Variants in DAB1 observed in about 807,000 individuals in gnomAD.
DAB1 encodes disabled homolog 1.
A neutral mutation model predicts 64.6 loss-of-function variants in DAB1; 15 were observed. The ratio of observed to expected loss-of-function variants is 0.23; its 90% CI spans 0.16 to 0.36. The LOEUF is 0.36. Ranked by LOEUF, DAB1 falls within the 10% of genes least tolerant of loss-of-function variation. DAB1 has a pLI of 1.00. For missense variants in DAB1, 596 were observed against 706.7 expected (o/e 0.84, Z 1.78); for synonymous variants, 235 against 251.9 (o/e 0.93, Z 0.64).
chr1:58,421,420 G>C (rs1214725094), intron 3 of DAB1, among the ~76,000 whole-genome samples: 1 of 152,168 alleles, frequency 6.6e-6, no homozygotes, highest in Non-Finnish European at 1.5e-5. Context: ...GGAGCAGAAG[G>C]GAGACTGAAC....
intron 3 of DAB1, chr1:58,481,157 C>A (rs2100347931): frequency 1.2e-6 from 1 of 848,054 alleles, no homozygotes; most frequent in Middle Eastern, 2.2e-4. Context: ...AATTACACAT[C>A]TCTCTAATTT....
intron 1 of DAB1, among the ~76,000 whole-genome samples, chr1:58,529,497 A>C (rs926104809): frequency 4.6e-5 from 7 of 152,260 alleles, no homozygotes; most frequent in African/African-American, 1.7e-4. Context: ...TAAGCACTAA[A>C]AACAAAAGTT....
chr1:58,445,562 C>T (rs1034452450), intron 3 of DAB1, among the ~76,000 whole-genome samples: 3 of 152,210 alleles, frequency 2.0e-5, no homozygotes, highest in Non-Finnish European at 4.4e-5. Context: ...TTACACCTCC[C>T]ATGTGAACTT....
At chr1:58,349,966 T>A (rs1644036383) in intron 3 of DAB1, among the ~76,000 whole-genome samples, 1 of 152,226 alleles carries the variant, frequency 6.6e-6, no homozygotes, top group Admixed American at 6.5e-5. Context: ...CCTCTGGGTA[T>A]ATACCCAGTA....
chr1:57,907,837 G>A (rs1376967293), intron 5 of DAB1, among the ~76,000 whole-genome samples: 2 of 116,548 alleles, frequency 1.7e-5, no homozygotes, highest in East Asian at 2.4e-4. Context: ...ACATCAGAGA[G>A]CATTACATAA....
At chr1:58,223,759 A>G (rs1053776322) in intron 4 of DAB1, among the ~76,000 whole-genome samples, 1 of 152,172 alleles carries the variant, frequency 6.6e-6, no homozygotes. Flanking sequence ...GGGAATCCCC[A>G]GTCCTGCTGG....
At chr1:58,481,929 A>C (rs1178041284) in intron 3 of DAB1, among the ~76,000 whole-genome samples, 1 of 152,214 alleles carries the variant, frequency 6.6e-6, no homozygotes, top group Non-Finnish European at 1.5e-5. Context: ...TCTTTCCTTC[A>C]TAAATTACCT....
chr1:58,395,604 C>A (rs976556677), intron 3 of DAB1, among the ~76,000 whole-genome samples: 13 of 152,226 alleles, frequency 8.5e-5, no homozygotes, highest in Non-Finnish European at 1.6e-4. Context: ...AGGAAAAAGG[C>A]AGAAAAGGGA....
intron 7 of DAB1, among the ~76,000 whole-genome samples, chr1:57,475,682 G>A (rs1032823421): frequency 6.6e-6 from 1 of 152,142 alleles, no homozygotes; most frequent in Non-Finnish European, 1.5e-5. Flanking sequence ...ACCCAGCCTT[G>A]AGCCCAGGAC....
chr1:57,672,571 C>T (rs541536551), intron 6 of DAB1, among the ~76,000 whole-genome samples: 74 of 152,192 alleles, frequency 4.9e-4, no homozygotes, highest in African/African-American at 1.7e-3. Flanking sequence ...AATAGGCAGA[C>T]TGAATGTCAA....
rs528165893 is a variant in DAB1 at position 57,331,288 on chromosome 1, C to T, written c.-136-40122G>A. Among the ~76,000 whole-genome samples, 172 of 152,296 alleles carry T rather than the reference C, an allele frequency of 1.1e-3. 2 individuals carry two copies. Among genetic ancestry groups the T allele is most frequent in the African/African-American group, 3.8e-3 (160 of 41,572 alleles). ...GCCAAAGACACTGTGGTAATTGTTT[C>T]ATGAGGGCTCTCATGTTTTACCCTC... On this transcript the variant is annotated intron_variant, in intron 1 of 14. Coordinates refer to ENST00000371236, the MANE Select transcript of DAB1 (RefSeq NM_001365792.1).
At chr1:57,980,305 T>G (rs377382229) in intron 5 of DAB1, among the ~76,000 whole-genome samples, 3 of 152,162 alleles carry the variant, frequency 2.0e-5, no homozygotes, top group African/African-American at 7.2e-5. Context: ...GGAATGCTCT[T>G]TTATTACCTT....
chr1:58,462,126 T>G (rs1274614256), intron 3 of DAB1, among the ~76,000 whole-genome samples: 1 of 146,878 alleles, frequency 6.8e-6, no homozygotes, highest in Non-Finnish European at 1.5e-5. Context: ...TTTTTTTTTT[T>G]TTTTTTTTTT....
intron 4 of DAB1, among the ~76,000 whole-genome samples, chr1:57,134,745 A>T (rs1657936290): frequency 6.6e-6 from 1 of 152,158 alleles, no homozygotes; most frequent in Non-Finnish European, 1.5e-5. Flanking sequence ...CATCATTGTT[A>T]AACAAAAGGA....
chr1:57,765,648 A>G (rs1454171472), intron 6 of DAB1, among the ~76,000 whole-genome samples: 1 of 152,042 alleles, frequency 6.6e-6, no homozygotes, highest in South Asian at 2.1e-4. Context: ...GCTGAATCCA[A>G]TGGTCAGTTC....
At chr1:57,827,573 A>T (rs1010701124) in intron 1 of DAB1, among the ~76,000 whole-genome samples, 3 of 152,206 alleles carry the variant, frequency 2.0e-5, no homozygotes, top group African/African-American at 4.8e-5. Context: ...CAGTGCCAGG[A>T]GTGCCAGGCA....
chr1:58,384,252 G>GA (rs200338607), intron 3 of DAB1, among the ~76,000 whole-genome samples: 2,400 of 150,654 alleles, frequency 0.016, 64 homozygotes, highest in African/African-American at 0.055. Context: ...GATGGACTTG[G>GA]AAAAAAAAAT....
At chr1:58,445,538 C>T (rs1298186663) in intron 3 of DAB1, among the ~76,000 whole-genome samples, 1 of 152,190 alleles carries the variant, frequency 6.6e-6, no homozygotes, top group African/African-American at 2.4e-5. Context: ...ATCTCAATGG[C>T]TCCCCTCCAT....
At chr1:58,125,666 G>T (rs1030280080) in intron 5 of DAB1, among the ~76,000 whole-genome samples, 1 of 152,056 alleles carries the variant, frequency 6.6e-6, no homozygotes, top group Non-Finnish European at 1.5e-5. Context: ...GGCTGGTCTT[G>T]AACTCCTAGG....
Sources: gnomAD v4.1 joint callset for allele counts (sites outside exome capture counted in the v4.1 genomes callset) on GRCh38, gnomAD v4.1.1 for gene constraint, MANE v1.5 for transcripts, NCBI Gene and HGNC (gene_info 2026-07-23, HGNC 2026-07-21) for gene names.